Variants in CDYL observed in about 807,000 individuals in gnomAD.
CDYL encodes chromodomain Y-like protein.
Under a neutral mutation model 47.3 loss-of-function variants are expected in CDYL, and 8 were observed. The observed-to-expected ratio is 0.17, with a 90% CI of 0.10 to 0.31. CDYL has a LOEUF of 0.31. Among genes scored for constraint, CDYL ranks in the 10% least tolerant of loss-of-function variants. The pLI is 1.00. For synonymous variants in CDYL, 266 were observed against 265.0 expected (o/e 1.00, Z -0.04); for missense variants, 471 against 701.4 (o/e 0.67, Z 3.71).
chr6:4,838,748 G>A (rs1581202797), intron 1 of CDYL, among the ~76,000 whole-genome samples: 3 of 151,866 alleles, frequency 2.0e-5, no homozygotes, highest in African/African-American at 4.8e-5. Context: ...GTGCAGTGGT[G>A]CCATCTCAGC....
chr6:4,855,332 A>G (rs1345940722), intron 1 of CDYL, among the ~76,000 whole-genome samples: 1 of 152,144 alleles, frequency 6.6e-6, no homozygotes, highest in Admixed American at 6.5e-5. Context: ...GCTAGAGTGC[A>G]GTGTTGTGAT....
Position 4,955,119 on chromosome 6 carries a change from C to T in CDYL, c.*1063C>T, listed in dbSNP as rs549566151. 1 of 152,700 alleles carries T rather than the reference C, an allele frequency of 6.5e-6. No individual in the cohort carries two copies. The highest frequency in any genetic ancestry group is 1.9e-4 in the East Asian group (1 of 5,188). 9.5% of individuals were successfully genotyped at this position (152,700 alleles called of 1,614,324 possible). ...TATATTCAACATTTAATGTTCTTGGCCTCTGCTTTTATGTCTATACAATAT... is the reference window on the plus strand; with the variant it reads ...TATATTCAACATTTAATGTTCTTGGTCTCTGCTTTTATGTCTATACAATAT... On this transcript the variant is annotated 3_prime_UTR_variant, in exon 7 of 7. Coordinates refer to ENST00000397588, the MANE Select transcript of CDYL (RefSeq NM_004824.4).
At position 4,861,139 on chromosome 6, in the gene CDYL, A is replaced by G. The variant is rs193168253; in HGVS notation, c.25-30574A>G. 2.6e-3 allele frequency among the ~76,000 whole-genome samples: 400 copies of G among 152,356 alleles called. 2 individuals carry two copies. The highest frequency in any genetic ancestry group is 8.4e-3 in the African/African-American group (348 of 41,590). On this transcript the variant is annotated intron_variant, in intron 1 of 6. Transcript: ENST00000397588. ...AAAATATAGAAGAGTTAAAACATAA[A>G]TATCAATGAAAAAATGTGATGCTAT...
chr6:4,728,259 T>A (rs142089138), intron 2 of CDYL, among the ~76,000 whole-genome samples: 2 of 152,214 alleles, frequency 1.3e-5, no homozygotes, highest in South Asian at 4.1e-4. Context: ...TCTGAGCCAA[T>A]TGACTGGCTG....
chr6:4,942,179 C>T (rs1229084274), intron 4 of CDYL, among the ~76,000 whole-genome samples: 1 of 152,214 alleles, frequency 6.6e-6, no homozygotes, highest in Non-Finnish European at 1.5e-5. Context: ...GCAACTCATT[C>T]ATTTGAATGA....
chr6:4,917,462 G>A (rs539330683), intron 2 of CDYL, among the ~76,000 whole-genome samples: 23 of 152,182 alleles, frequency 1.5e-4, no homozygotes, highest in African/African-American at 5.3e-4. Flanking sequence ...TTTAAGGGAG[G>A]TCTATAATGT....
chr6:4,930,330 T>C (rs1456440303), intron 2 of CDYL, among the ~76,000 whole-genome samples: 1 of 152,238 alleles, frequency 6.6e-6, no homozygotes, highest in Non-Finnish European at 1.5e-5. Context: ...TTTTTATCTA[T>C]GTAGCTTCCT....
At chr6:4,795,598 A>G in intron 1 of CDYL, among the ~76,000 whole-genome samples, 1 of 152,008 alleles carries the variant, frequency 6.6e-6, no homozygotes, top group East Asian at 1.9e-4. Flanking sequence ...TTATGGTTTA[A>G]TGTCTTTTAT....
intron 3 of CDYL, among the ~76,000 whole-genome samples, chr6:4,766,661 G>A (rs2127424463): frequency 6.6e-6 from 1 of 152,252 alleles, no homozygotes; most frequent in Non-Finnish European, 1.5e-5. Context: ...TTGGAAAAGA[G>A]GAAGTACATG....
chr6:4,798,136 CTAATTTTTG>C (rs1253659892), intron 1 of CDYL, among the ~76,000 whole-genome samples: 1 of 152,038 alleles, frequency 6.6e-6, no homozygotes, highest in Non-Finnish European at 1.5e-5. Context: ...CTACACCTGG[CTAATTTTTG>C]TAATTTTTGT....
At chr6:4,922,505 G>A (rs1303911657) in intron 2 of CDYL, among the ~76,000 whole-genome samples, 1 of 152,210 alleles carries the variant, frequency 6.6e-6, no homozygotes, top group Non-Finnish European at 1.5e-5. Flanking sequence ...GTCTACATTG[G>A]AGACCATTTC....
chr6:4,868,021 C>G (rs904528786), intron 1 of CDYL, among the ~76,000 whole-genome samples: 1 of 151,832 alleles, frequency 6.6e-6, no homozygotes, highest in African/African-American at 2.4e-5. Context: ...GAAGATCATT[C>G]TAGCGAAGAG....
chr6:4,884,542 C>G (rs1277999191), intron 1 of CDYL, among the ~76,000 whole-genome samples: 1 of 152,088 alleles, frequency 6.6e-6, no homozygotes. Flanking sequence ...CTCCAGGGAT[C>G]TTTTGCATTT....
intron 2 of CDYL, among the ~76,000 whole-genome samples, chr6:4,910,113 G>A (rs1468047208): frequency 2.6e-5 from 4 of 151,450 alleles, no homozygotes; most frequent in South Asian, 2.1e-4. Flanking sequence ...AAGACTCCCC[G>A]ATTTTCCCCC....
intron 1 of CDYL, among the ~76,000 whole-genome samples, chr6:4,805,291 GA>G (rs1218825170): frequency 4.0e-5 from 6 of 151,772 alleles, no homozygotes; most frequent in South Asian, 2.1e-4. Context: ...CCCATTGGGG[GA>G]AAAAAAAGCA....
At chr6:4,900,011 C>T (rs1169245948) in intron 2 of CDYL, among the ~76,000 whole-genome samples, 10 of 152,264 alleles carry the variant, frequency 6.6e-5, no homozygotes, top group Middle Eastern at 3.4e-3. Flanking sequence ...AACACACATC[C>T]TGTTGTAAAC....
At chr6:4,944,970 C>T (rs1167699130) in intron 5 of CDYL, among the ~76,000 whole-genome samples, 1 of 152,242 alleles carries the variant, frequency 6.6e-6, no homozygotes, top group Non-Finnish European at 1.5e-5. Flanking sequence ...TCATGAGGAA[C>T]GTCAGGCCCA....
intron 1 of CDYL, among the ~76,000 whole-genome samples, chr6:4,795,084 C>T (rs539328893): frequency 3.2e-4 from 48 of 150,944 alleles, no homozygotes; most frequent in South Asian, 6.3e-4. Context: ...ATTTCTAATT[C>T]CAAAAGAGTG....
chr6:4,782,989 A>G (rs1340378418), intron 1 of CDYL, among the ~76,000 whole-genome samples: 2 of 152,220 alleles, frequency 1.3e-5, no homozygotes, highest in Non-Finnish European at 2.9e-5. Context: ...CTGACAATGT[A>G]AAGATTTTAC....
Sources: allele counts gnomAD v4.1 joint callset (sites outside exome capture counted in the v4.1 genomes callset), GRCh38; gene constraint gnomAD v4.1.1; transcripts MANE v1.5; gene names NCBI Gene and HGNC (gene_info 2026-07-23, HGNC 2026-07-21).